MAP3K15: variants seen among roughly 807,000 people sequenced by gnomAD.
MAP3K15 encodes the protein mitogen-activated protein kinase kinase kinase 15, also known as MAPK/ERK kinase kinase 15.
MAP3K15 carries 124 observed loss-of-function variants against 99.5 expected under a neutral mutation model. The observed-to-expected ratio is 1.25, with a 90% CI of 1.08 to 1.45. MAP3K15 has a LOEUF of 1.45. MAP3K15 is among the 40% of genes most tolerant of loss of function. The pLI, the probability that MAP3K15 is intolerant of heterozygous loss-of-function variation, is 0.00. For synonymous variants in MAP3K15, 494 were observed against 439.6 expected, an observed-to-expected ratio of 1.12 and a Z score of -1.55; for missense variants, 1,242 against 1,079.7, an observed-to-expected ratio of 1.15 and a Z score of -2.11.
At chrX:19,450,999 C>T (rs1217946079) in intron 6 of MAP3K15, among the ~76,000 whole-genome samples, 1 of 109,195 alleles carries the variant, frequency 9.2e-6, no homozygotes, top group African/African-American at 3.3e-5. Flanking sequence ...ATAAATGAGA[C>T]ATCCGGCCGG....
chrX:19,438,255 C>A (rs1293551071), intron 6 of MAP3K15, among the ~76,000 whole-genome samples: 1 of 110,969 alleles, frequency 9.0e-6, no homozygotes, highest in Non-Finnish European at 1.9e-5. Context: ...GCACGCATGA[C>A]CACACCTAGC....
chrX:19,488,621 G>C (rs2064345713), intron 2 of MAP3K15, among the ~76,000 whole-genome samples: 1 of 111,563 alleles, frequency 9.0e-6, no homozygotes, highest in Admixed American at 9.6e-5. Flanking sequence ...TGCCCAAGTT[G>C]CCTGCAAACG....
intron 6 of MAP3K15, among the ~76,000 whole-genome samples, chrX:19,438,456 C>A (rs1430734664): frequency 8.9e-6 from 1 of 111,882 alleles, no homozygotes; most frequent in Non-Finnish European, 1.9e-5. Context: ...GATTGGGAAT[C>A]ATATAGAGCT....
rs2063404756 is a variant in MAP3K15 at position 19,374,615 on chromosome X, C to T, written c.2635G>A (p.Ala879Thr). 3 of 1,209,524 alleles carry T rather than the reference C, an allele frequency of 2.5e-6. No individual in the cohort carries two copies. The highest frequency in any genetic ancestry group is 3.4e-6 in the Non-Finnish European group (3 of 895,013). Residue 879 changes from alanine (A) to threonine (T), a missense_variant, in exon 20 of 29, where the codon GCT (alanine) becomes ACT (threonine). Ala to Thr is a moderately conservative substitution (Grantham distance 58). Coordinates refer to ENST00000338883, the MANE Select transcript of MAP3K15 (RefSeq NM_001001671.4). Reference protein sequence around the residue: ...IHPEIPEALSAEARAFILSCF... With the variant: ...IHPEIPEALSTEARAFILSCF... ...GATAAAATGAAGGCTCGGGCTTCAG[C>T]TGAAAGGGCTTCTGGAATCTCAGGG...
At chrX:19,424,654 ATTTATT>A (rs985063263) in intron 9 of MAP3K15, among the ~76,000 whole-genome samples, 1 of 109,315 alleles carries the variant, frequency 9.1e-6, no homozygotes, top group African/African-American at 3.3e-5. Context: ...TATTTTACCT[ATTTATT>A]TTTGAGACAG....
intron 18 of MAP3K15, among the ~76,000 whole-genome samples, chrX:19,389,086 C>T (rs757302279): frequency 4.5e-5 from 5 of 110,602 alleles, no homozygotes; most frequent in East Asian, 5.7e-4. Flanking sequence ...ATATCCACAA[C>T]GGGCAAAGCC....
At position 19,456,894 on chromosome X, in the gene MAP3K15, C is replaced by T. The variant is rs762337252; in HGVS notation, c.995+19G>A. 29 of 1,101,103 alleles carry T rather than the reference C, an allele frequency of 2.6e-5. No individual in the cohort carries two copies. Among genetic ancestry groups the T allele is most frequent in the South Asian group, 3.8e-5 (2 of 52,840 alleles). 90.7% of individuals were successfully genotyped at this position (1,101,103 alleles called of 1,213,427 possible). A position where few individuals can be genotyped will look rare whatever the true frequency, so the allele number is the denominator to read the frequency against. On this transcript the variant is annotated intron_variant, in intron 6 of 28. Coordinates refer to ENST00000338883, the MANE Select transcript of MAP3K15 (RefSeq NM_001001671.4). ...TGGGTGGCATGTTTCAAAACCTGTA[C>T]GTACATTATCGTTCTTACCTATTCA...
At chrX:19,480,252 G>A (rs2147388791) in intron 3 of MAP3K15, among the ~76,000 whole-genome samples, 1 of 111,544 alleles carries the variant, frequency 9.0e-6, no homozygotes, top group Non-Finnish European at 1.9e-5. Context: ...AATATTCAAT[G>A]GCTTTTTTTT....
At chrX:19,503,270 C>T (rs1350724404) in intron 1 of MAP3K15, among the ~76,000 whole-genome samples, 1 of 111,929 alleles carries the variant, frequency 8.9e-6, no homozygotes, top group Non-Finnish European at 1.9e-5. Flanking sequence ...TGGCCAGTCT[C>T]CTGACCATGT....
intron 13 of MAP3K15, among the ~76,000 whole-genome samples, chrX:19,405,887 C>T (rs1331808859): frequency 8.9e-6 from 1 of 112,195 alleles, no homozygotes; most frequent in Non-Finnish European, 1.9e-5. Context: ...TTGAAACTTT[C>T]CTATGGCTGT....
At chrX:19,397,772 C>T (rs1037538825) in intron 15 of MAP3K15, among the ~76,000 whole-genome samples, 1 of 111,675 alleles carries the variant, frequency 9.0e-6, no homozygotes, top group Non-Finnish European at 1.9e-5. Context: ...ATCTATAATA[C>T]ACAAAACAAA....
chrX:19,485,274 A>G (rs1395080871), intron 3 of MAP3K15, among the ~76,000 whole-genome samples: 1 of 86,074 alleles, frequency 1.2e-5, no homozygotes, highest in Admixed American at 1.6e-4. Context: ...ACACCACTGC[A>G]CTTCAGCCTG....
At chrX:19,511,420 A>G (rs1009417600) in intron 1 of MAP3K15, among the ~76,000 whole-genome samples, 1 of 112,352 alleles carries the variant, frequency 8.9e-6, no homozygotes, top group African/African-American at 3.2e-5. Context: ...GAATCTATCA[A>G]TCTGACAAAG....
At chrX:19,420,814 A>G (rs778145505) in intron 9 of MAP3K15, among the ~76,000 whole-genome samples, 83 of 112,067 alleles carry the variant, frequency 7.4e-4, no homozygotes, top group African/African-American at 2.6e-3. Context: ...ATCCAGCAGC[A>G]TATCAAAAGC....
chrX:19,392,048 G>A lies in MAP3K15; in HGVS notation c.2385C>T (p.Thr795=). Residue 795 remains threonine, a synonymous_variant, in exon 18 of 29, where the codon ACC becomes ACT. Transcript: ENST00000338883. ...GGTTCACACCCGCAAGACGTTTCGA[G>A]GTTCCAAAATCGGAGATTTTCACCA... ...SGVVKISDFG[T]SKRLAGVNPC... is the part of the protein sequence containing the mutation. 1 of 1,211,318 alleles carries A rather than the reference G, an allele frequency of 8.3e-7. No individual in the cohort carries two copies. Among genetic ancestry groups the A allele is most frequent in the East Asian group, 3.0e-5 (1 of 33,865 alleles).
chrX:19,506,151 C>A (rs918887184), intron 1 of MAP3K15, among the ~76,000 whole-genome samples: 1 of 112,038 alleles, frequency 8.9e-6, no homozygotes, highest in Non-Finnish European at 1.9e-5. Context: ...CCAAGCTGGT[C>A]TCCAACTCCT....
At chrX:19,424,243 T>TAC (rs202047788) in intron 9 of MAP3K15, among the ~76,000 whole-genome samples, 13 of 85,111 alleles carry the variant, frequency 1.5e-4, no homozygotes, top group African/African-American at 8.7e-4. Context: ...CACATATATA[T>TAC]ACATATATAT....
chrX:19,466,315 C>T (rs1022941744), intron 3 of MAP3K15, among the ~76,000 whole-genome samples: 36 of 111,926 alleles, frequency 3.2e-4, no homozygotes, highest in Non-Finnish European at 3.4e-4. Flanking sequence ...CTACCCAAAT[C>T]TCATCTTGAA....
intron 3 of MAP3K15, among the ~76,000 whole-genome samples, chrX:19,480,582 A>C (rs2064281363): frequency 9.4e-6 from 1 of 105,987 alleles, no homozygotes; most frequent in African/African-American, 3.4e-5. Context: ...TTGGAGGCCA[A>C]GGCAGGTGGA....
Sources: allele counts gnomAD v4.1 joint callset (sites outside exome capture counted in the v4.1 genomes callset), GRCh38; gene constraint gnomAD v4.1.1; transcripts MANE v1.5; gene names NCBI Gene and HGNC (gene_info 2026-07-23, HGNC 2026-07-21).